The following RASGRF2 variants were observed in gnomAD, a reference collection of about 807,000 sequenced individuals.
RASGRF2 encodes the protein Ras protein specific guanine nucleotide releasing factor 2, also known as ras-specific guanine nucleotide-releasing factor 2.
RASGRF2 carries 76 observed loss-of-function variants against 151.0 expected under a neutral mutation model. The observed-to-expected ratio is 0.50, with a 90% confidence interval of 0.42 to 0.61. The LOEUF (loss-of-function observed/expected upper bound fraction) is 0.61. Ranked by LOEUF, RASGRF2 falls within the 20% of genes least tolerant of loss-of-function variation. The pLI is 0.00. For missense variants in RASGRF2, 1,148 were observed against 1,564.6 expected, an observed-to-expected ratio of 0.73 and a Z score of 4.49; for synonymous variants, 504 against 566.5, an observed-to-expected ratio of 0.89 and a Z score of 1.57.
chr5:80,982,892 G>A (rs1018910078), intron 1 of RASGRF2, among the ~76,000 whole-genome samples: 24 of 152,142 alleles, frequency 1.6e-4, no homozygotes, highest in East Asian at 7.8e-4. Flanking sequence ...GAGCCACCGC[G>A]CCCAGCCAGG....
At chr5:81,032,851 C>G (rs1750315733) in intron 1 of RASGRF2, among the ~76,000 whole-genome samples, 1 of 152,136 alleles carries the variant, frequency 6.6e-6, no homozygotes, top group Non-Finnish European at 1.5e-5. Flanking sequence ...AAGAGGAAGT[C>G]AAATTGTCCC....
At chr5:81,214,858 A>G (rs966484198) in intron 23 of RASGRF2, among the ~76,000 whole-genome samples, 67 of 152,374 alleles carry the variant, frequency 4.4e-4, no homozygotes, top group African/African-American at 1.6e-3. Context: ...CAACAATGTT[A>G]TTTCTCAGTA....
chr5:81,099,353 C>CT (rs775801198), intron 12 of RASGRF2, among the ~76,000 whole-genome samples: 5 of 152,268 alleles, frequency 3.3e-5, no homozygotes, highest in Non-Finnish European at 7.3e-5. Flanking sequence ...CAATTTACTG[C>CT]TTTTATAGCT....
chr5:81,194,747 GC>G (rs1755224890), intron 18 of RASGRF2, among the ~76,000 whole-genome samples: 1 of 152,164 alleles, frequency 6.6e-6, no homozygotes. Flanking sequence ...CCCAAGGGGG[GC>G]CCCTTGCAGA....
At chr5:81,036,257 C>T (rs1005608806) in intron 1 of RASGRF2, among the ~76,000 whole-genome samples, 13 of 151,974 alleles carry the variant, frequency 8.6e-5, no homozygotes, top group African/African-American at 2.4e-4. Context: ...CCTGGTGAAT[C>T]GTTATAGTCA....
chr5:81,208,064 GTTC>G (rs1298475861), intron 21 of RASGRF2, among the ~76,000 whole-genome samples: 1 of 152,196 alleles, frequency 6.6e-6, no homozygotes. Flanking sequence ...CCTTGTGTTG[GTTC>G]TTGTTTTCCA....
intron 16 of RASGRF2, 146 bp from the exon 17 acceptor site, chr5:81,126,928 A>G (rs1412503761): frequency 1.0e-5 from 8 of 766,572 alleles, no homozygotes; most frequent in Non-Finnish European, 1.7e-5. Context: ...CCTGATGTGC[A>G]ATCTTGTTGT....
chr5:81,056,684 G>T (rs977308528), intron 2 of RASGRF2, among the ~76,000 whole-genome samples: 4 of 152,094 alleles, frequency 2.6e-5, no homozygotes, highest in Non-Finnish European at 5.9e-5. Context: ...GGATATCCTT[G>T]TTAACTTTCT....
intron 12 of RASGRF2, among the ~76,000 whole-genome samples, chr5:81,107,193 C>A: frequency 2.0e-5 from 2 of 99,166 alleles, no homozygotes; most frequent in Non-Finnish European, 2.0e-5. Context: ...GAACCTGTCT[C>A]TACAAAAAAA....
At chr5:81,010,421 C>T (rs1749421486) in intron 1 of RASGRF2, among the ~76,000 whole-genome samples, 1 of 152,118 alleles carries the variant, frequency 6.6e-6, no homozygotes, top group Non-Finnish European at 1.5e-5. Context: ...ATGTGTAAGG[C>T]ACAGAACTGA....
intron 18 of RASGRF2, among the ~76,000 whole-genome samples, chr5:81,195,068 A>G (rs899574266): frequency 6.6e-6 from 1 of 152,236 alleles, no homozygotes; most frequent in Non-Finnish European, 1.5e-5. Context: ...GATAACTTCA[A>G]TAAGTACCTC....
At chr5:80,976,833 G>C (rs1047648045) in intron 1 of RASGRF2, among the ~76,000 whole-genome samples, 1 of 152,154 alleles carries the variant, frequency 6.6e-6, no homozygotes, top group Admixed American at 6.5e-5. Context: ...CTTGATTTAT[G>C]CTACCACTTT....
At chr5:81,173,330 A>G (rs1255488696) in intron 17 of RASGRF2, among the ~76,000 whole-genome samples, 1 of 152,194 alleles carries the variant, frequency 6.6e-6, no homozygotes. Context: ...GTGAGCCAAG[A>G]TCGTGCCATT....
At chr5:81,099,972 A>T (rs1752654175) in intron 12 of RASGRF2, among the ~76,000 whole-genome samples, 1 of 139,910 alleles carries the variant, frequency 7.1e-6, no homozygotes, top group Admixed American at 7.8e-5. Context: ...CAGTGGCATG[A>T]TCTCGGCTCA....
intron 18 of RASGRF2, among the ~76,000 whole-genome samples, chr5:81,186,809 T>C (rs1755036434): frequency 6.6e-6 from 1 of 152,184 alleles, no homozygotes; most frequent in Non-Finnish European, 1.5e-5. Context: ...ATCTCAGAGC[T>C]GGGGGTACTT....
At chr5:81,104,129 AGAG>A (rs1752778424) in intron 12 of RASGRF2, among the ~76,000 whole-genome samples, 1 of 152,156 alleles carries the variant, frequency 6.6e-6, no homozygotes, top group Non-Finnish European at 1.5e-5. Flanking sequence ...ATGGAAAAAA[AGAG>A]GAGGATTTAA....
At chr5:81,055,290 A>T (rs970821869) in intron 2 of RASGRF2, among the ~76,000 whole-genome samples, 5 of 152,164 alleles carry the variant, frequency 3.3e-5, no homozygotes, top group Non-Finnish European at 5.9e-5. Context: ...TATTATTTTG[A>T]GATACGTCCC....
chr5:81,116,365 G>A (rs1387376790), intron 15 of RASGRF2, among the ~76,000 whole-genome samples: 2 of 152,098 alleles, frequency 1.3e-5, no homozygotes, highest in African/African-American at 2.4e-5. Flanking sequence ...TTACAGGCAT[G>A]AGCCACCATA....
At chr5:81,146,101 C>T (rs1379090189) in intron 17 of RASGRF2, among the ~76,000 whole-genome samples, 1 of 152,190 alleles carries the variant, frequency 6.6e-6, no homozygotes, top group African/African-American at 2.4e-5. Flanking sequence ...CTTAAATCTG[C>T]CTTGTATTTC....
Sources: gnomAD v4.1 joint callset for allele counts (sites outside exome capture counted in the v4.1 genomes callset) on GRCh38, gnomAD v4.1.1 for gene constraint, MANE v1.5 for transcripts, NCBI Gene and HGNC (gene_info 2026-07-23, HGNC 2026-07-21) for gene names.